The following PARP12 variants were observed in gnomAD, a reference collection of about 807,000 sequenced individuals.
PARP12 encodes the protein poly(ADP-ribose) polymerase family member 12.
Under a neutral mutation model 72.4 loss-of-function variants are expected in PARP12, and 59 were observed. That is an observed-to-expected ratio of 0.81 (90% CI 0.66 to 1.01). The LOEUF is 1.01. Ranked by LOEUF, PARP12 falls within the 50% of genes least tolerant of loss-of-function variation. The pLI, the probability that PARP12 is intolerant of heterozygous loss-of-function variation, is 0.00. For synonymous variants in PARP12, 403 were observed against 371.4 expected, an observed-to-expected ratio of 1.09 and a Z score of -0.98; for missense variants, 851 against 914.0, an observed-to-expected ratio of 0.93 and a Z score of 0.89.
intron 3 of PARP12, among the ~76,000 whole-genome samples, chr7:140,055,460 A>T (rs1385228119): frequency 1.3e-5 from 2 of 152,124 alleles, no homozygotes; most frequent in Non-Finnish European, 2.9e-5. Context: ...TATGACATTT[A>T]CCCTCACCCA....
At chr7:140,051,440 G>C (rs1241933875) in intron 4 of PARP12, among the ~76,000 whole-genome samples, 1 of 151,184 alleles carries the variant, frequency 6.6e-6, no homozygotes, top group Non-Finnish European at 1.5e-5. Context: ...GCCCAGGCTG[G>C]AGTGCAGTGG....
At chr7:140,033,876 CATT>C (rs1279618629) in intron 8 of PARP12, 10 of 993,534 alleles carry the variant, frequency 1.0e-5, no homozygotes, top group Non-Finnish European at 1.2e-5. Context: ...GTAATTCCAT[CATT>C]ATTTCATTAT....
At chr7:140,054,895 A>T (rs1817119850) in intron 3 of PARP12, 132 bp from the exon 4 acceptor site, 1 of 712,416 alleles carries the variant, frequency 1.4e-6, no homozygotes, top group African/African-American at 1.8e-5. Flanking sequence ...GTTTGGGGTG[A>T]AAGTGCTCCT....
chr7:140,049,837 A>T (rs978726288), intron 4 of PARP12, among the ~76,000 whole-genome samples: 3 of 152,220 alleles, frequency 2.0e-5, no homozygotes, highest in African/African-American at 4.8e-5. Flanking sequence ...CGGTAGAGAC[A>T]TAAGGTCCTT....
chr7:140,037,912 A>C, intron 6 of PARP12, 56 bp from the exon 7 acceptor site: 1 of 1,575,930 alleles, frequency 6.3e-7, no homozygotes, highest in South Asian at 1.1e-5. Flanking sequence ...ATGAGGAAAA[A>C]CGCTGGTGGC....
At chr7:140,052,057 T>G (rs2116638125) in intron 4 of PARP12, among the ~76,000 whole-genome samples, 1 of 152,210 alleles carries the variant, frequency 6.6e-6, no homozygotes, top group East Asian at 1.9e-4. Context: ...TTGCTTTGTC[T>G]CCAGGATCCT....
intron 10 of PARP12, among the ~76,000 whole-genome samples, chr7:140,026,717 G>A (rs1815754414): frequency 6.6e-6 from 1 of 152,108 alleles, no homozygotes; most frequent in Non-Finnish European, 1.5e-5. Context: ...GCTGGTCAGT[G>A]GGTGCCCATC....
intron 8 of PARP12, chr7:140,033,484 A>G (rs1397929913): frequency 2.0e-6 from 2 of 985,302 alleles, no homozygotes; most frequent in African/African-American, 3.5e-5. Context: ...GGCAAGCCCA[A>G]ACTGTATGGG....
intron 7 of PARP12, among the ~76,000 whole-genome samples, chr7:140,037,511 C>T (rs1816257750): frequency 6.6e-6 from 1 of 152,214 alleles, no homozygotes; most frequent in Admixed American, 6.5e-5. Flanking sequence ...GGTCCATTCT[C>T]CTCACATCCT....
At position 140,062,666 on chromosome 7, in the gene PARP12, G is replaced by A. The variant is rs893705917; in HGVS notation, c.182C>T (p.Ala61Val). 3.9e-6 allele frequency: 5 copies of A among 1,291,528 alleles called. No individual in the cohort carries two copies. In the Admixed American group the frequency reaches 1.2e-4, roughly 32 times the overall value. 80.0% of individuals were successfully genotyped at this position (1,291,528 alleles called of 1,614,324 possible). ...GGCGGCCAGCACCACGCGCTCCGGG[G>A]CCGCGGCTGCGCCGCCCGCCCGCAC... ...VAVRAGGAAAAPERVVLAASP... is the reference protein window; with the variant it reads ...VAVRAGGAAAVPERVVLAASP... The change falls in exon 1 of 12, where the codon GCC becomes GTC. Residue 61 changes from alanine (A) to valine (V), a missense_variant. Coordinates refer to ENST00000263549, the MANE Select transcript of PARP12 (RefSeq NM_022750.4).
chr7:140,027,312 C>G lies in PARP12; in HGVS notation c.1592G>C (p.Arg531Pro). Reference sequence around the variant, plus strand: ...TTCCCAGAGGGCCAGGTTCTGTACTCGCTCAATCTTCTGAACAAAGTAGAA... The same window carrying G: ...TTCCCAGAGGGCCAGGTTCTGTACTGGCTCAATCTTCTGAACAAAGTAGAA... ...LPFYFVQKIE[R>P]VQNLALWEVY... Residue 531 changes from arginine to proline, a missense_variant, in exon 10 of 12, where the codon CGA (arginine) becomes CCA (proline). Around this residue, in one of 3 missense-constraint regions of PARP12, gnomAD observed 347 missense variants for 396.1 expected, o/e 0.88. Coordinates refer to ENST00000263549, the MANE Select transcript of PARP12 (RefSeq NM_022750.4). The G allele has an allele frequency of 6.2e-7, 1 of 1,614,006 alleles. No individual in the cohort carries two copies. The highest frequency in any genetic ancestry group is 1.3e-5 in the African/African-American group (1 of 75,016).
Position 140,056,893 on chromosome 7 carries a change from G to T in PARP12, c.723C>A (p.Ser241Arg), listed in dbSNP as rs1224949538. Residue 241 changes from serine (S) to arginine (R), a missense_variant, in exon 3 of 12, where the codon AGC (serine) becomes AGA (arginine). Coordinates refer to ENST00000263549, the MANE Select transcript of PARP12 (RefSeq NM_022750.4). ...HDIKNKSSAPSRVPPLFVPQG... is the reference protein window; with the variant it reads ...HDIKNKSSAPRRVPPLFVPQG... ...GTGGGACAAAAAGAGGAGGCACTCT[G>T]CTGGGGGCAGAGCTCTTATTCTTGA... The T allele has an allele frequency of 1.9e-6, 3 of 1,612,246 alleles. No individual in the cohort carries two copies. In the African/African-American group the frequency reaches 4.0e-5, roughly 22 times the overall value.
chr7:140,043,732 A>G (rs1370877352), intron 5 of PARP12, among the ~76,000 whole-genome samples: 1 of 152,106 alleles, frequency 6.6e-6, no homozygotes, highest in Admixed American at 6.5e-5. Context: ...GAGTTTCACC[A>G]TGTTGGCCAG....
intron 3 of PARP12, 38 bp downstream of exon 3, chr7:140,056,818 T>C: frequency 6.5e-7 from 1 of 1,538,190 alleles, no homozygotes; most frequent in South Asian, 1.3e-5. Context: ...GGACCTCCCG[T>C]GCTCCCCACC....
chr7:140,056,951 C>T lies in PARP12; in HGVS notation c.665G>A (p.Arg222Lys). ...TGCATTTCTATAAATGGTAGGCAGC[C>T]TGCTCACCAGGTCTGAGCTCATACC... ...KLGMSSDLVS[R>K]LPTIYRNAHD... The change falls in exon 3 of 12, where the codon AGG becomes AAG. Residue 222 changes from arginine (R) to lysine (K), a missense_variant. Coordinates refer to ENST00000263549, the MANE Select transcript of PARP12 (RefSeq NM_022750.4). The T allele has an allele frequency of 6.2e-7, 1 of 1,614,154 alleles. No individual in the cohort carries two copies. The highest frequency in any genetic ancestry group is 1.3e-5 in the African/African-American group (1 of 75,052).
chr7:140,024,865 C>T lies in PARP12; in HGVS notation c.1801G>A (p.Ala601Thr). ...YGKGSYFARD[A>T]AYSHHYSKSD... ...TTGCTGTAGTGGTGGGAATATGCAG[C>T]ATCTCGGGCAAAGTAGCTCCCTGAA... The change falls in exon 12 of 12, where the codon GCT becomes ACT. Residue 601 changes from alanine to threonine, a missense_variant. By Grantham distance (58) the Ala-to-Thr change is moderately conservative. Transcript: ENST00000263549. The T allele has an allele frequency of 1.9e-6, 3 of 1,613,312 alleles. No homozygotes were observed. The highest frequency in any genetic ancestry group is 2.5e-6 in the Non-Finnish European group (3 of 1,179,322).
intron 1 of PARP12, 77 bp downstream of exon 1, chr7:140,062,445 G>T: frequency 7.2e-7 from 1 of 1,384,020 alleles, no homozygotes; most frequent in Non-Finnish European, 9.6e-7. Context: ...ACTTCAAGTA[G>T]GACCCCCAAG....
chr7:140,024,745 C>G lies in PARP12; in HGVS notation c.1921G>C (p.Glu641Gln), dbSNP rs762014085. The G allele has an allele frequency of 3.7e-6, 6 of 1,614,198 alleles. No individual in the cohort carries two copies. Among genetic ancestry groups the G allele is most frequent in the Middle Eastern group, 1.6e-4 (1 of 6,062 alleles). The stretch of plus-strand genomic sequence containing the variant: ...TCATAGAAGGCGTTGCTCCAGCCCT[C>G]CTTGGCCGGCGGACGGACAAAGGAG... ...NASFVRPPAK[E>Q]GWSNAFYDSC... Residue 641 changes from glutamate to glutamine, a missense_variant, in exon 12 of 12, where the codon GAG becomes CAG. Glu to Gln is a conservative substitution (Grantham distance 29). Coordinates refer to ENST00000263549, the MANE Select transcript of PARP12 (RefSeq NM_022750.4).
At chr7:140,034,166 T>C in intron 8 of PARP12, 69 bp downstream of exon 8, 2 of 1,556,674 alleles carry the variant, frequency 1.3e-6, no homozygotes, top group Admixed American at 3.7e-5. Flanking sequence ...AGGCAGGTTT[T>C]CTGTCACCAC....
Sources: gnomAD v4.1 joint callset for allele counts (sites outside exome capture counted in the v4.1 genomes callset) on GRCh38, gnomAD v4.1.1 for gene constraint, gnomAD v4.1.1 regional missense constraint, MANE v1.5 for transcripts, NCBI Gene and HGNC (gene_info 2026-07-23, HGNC 2026-07-21) for gene names.